Variants in ZNF521 observed in about 807,000 individuals in gnomAD.
ZNF521 encodes the protein zinc finger protein 521.
ZNF521 carries 14 observed loss-of-function variants against 105.5 expected under a neutral mutation model. The ratio of observed to expected loss-of-function variants is 0.13; its 90% CI spans 0.09 to 0.21. ZNF521 has a LOEUF of 0.21. ZNF521 is among the 10% of genes least tolerant of loss of function. The pLI is 1.00. For synonymous variants in ZNF521, 635 were observed against 606.0 expected (o/e 1.05, Z -0.70); for missense variants, 1,233 against 1,629.7 (o/e 0.76, Z 4.19).
chr18:25,069,367 T>G (rs2033157793), intron 7 of ZNF521, among the ~76,000 whole-genome samples: 1 of 152,182 alleles, frequency 6.6e-6, no homozygotes, highest in African/African-American at 2.4e-5. Flanking sequence ...TAACAGGATG[T>G]GAATGTTAAT....
At chr18:25,080,273 G>A (rs1339701918) in intron 7 of ZNF521, among the ~76,000 whole-genome samples, 3 of 152,146 alleles carry the variant, frequency 2.0e-5, no homozygotes, top group South Asian at 2.1e-4. Flanking sequence ...TAAAGGACTC[G>A]TTTACCCTGC....
intron 4 of ZNF521, among the ~76,000 whole-genome samples, chr18:25,205,141 T>TAAAAAAAAAAAAAAAAAA (rs34563599): frequency 1.3e-5 from 1 of 74,934 alleles, no homozygotes; most frequent in African/African-American, 6.2e-5. Context: ...GTAGTGAAGG[T>TAAAAAAAAAAAAAAAAAA]AAAAAAAAAA....
At chr18:25,113,342 A>C (rs2034233847) in intron 5 of ZNF521, among the ~76,000 whole-genome samples, 1 of 152,122 alleles carries the variant, frequency 6.6e-6, no homozygotes, top group African/African-American at 2.4e-5. Flanking sequence ...TTCAGATGAA[A>C]ACCTTTTCTA....
intron 3 of ZNF521, among the ~76,000 whole-genome samples, chr18:25,319,836 C>T (rs1912841998): frequency 6.6e-6 from 1 of 152,094 alleles, no homozygotes; most frequent in Non-Finnish European, 1.5e-5. Context: ...GGTGCAATAT[C>T]ACTTCTTTGG....
chr18:25,114,497 C>T (rs1461053893), intron 5 of ZNF521, among the ~76,000 whole-genome samples: 2 of 152,126 alleles, frequency 1.3e-5, no homozygotes, highest in African/African-American at 4.8e-5. Flanking sequence ...CAAAGACTAA[C>T]TGATAAGAGA....
intron 3 of ZNF521, among the ~76,000 whole-genome samples, chr18:25,282,563 G>A (rs1910448030): frequency 1.3e-5 from 2 of 152,084 alleles, no homozygotes; most frequent in South Asian, 2.1e-4. Flanking sequence ...TGGAGGGGGC[G>A]GTGCATGGTG....
At chr18:25,084,815 GC>G (rs1260198835) in intron 7 of ZNF521, among the ~76,000 whole-genome samples, 1 of 152,100 alleles carries the variant, frequency 6.6e-6, no homozygotes, top group Non-Finnish European at 1.5e-5. Context: ...TTTTCTGGAG[GC>G]ACCAATTAAA....
chr18:25,278,887 A>G (rs1816897985), intron 3 of ZNF521, among the ~76,000 whole-genome samples: 1 of 152,230 alleles, frequency 6.6e-6, no homozygotes, highest in South Asian at 2.1e-4. Flanking sequence ...GGTTGGCTTC[A>G]GGTACTTTAT....
At chr18:25,247,169 G>C (rs1470385691) in intron 3 of ZNF521, among the ~76,000 whole-genome samples, 2 of 152,156 alleles carry the variant, frequency 1.3e-5, no homozygotes, top group Non-Finnish European at 2.9e-5. Context: ...ACAATGAATA[G>C]TTCACTGACT....
chr18:25,150,848 A>G (rs2035032944), intron 5 of ZNF521, among the ~76,000 whole-genome samples: 1 of 147,808 alleles, frequency 6.8e-6, no homozygotes, highest in African/African-American at 2.5e-5. Flanking sequence ...CACCCCTTCA[A>G]TTCTACTCTC....
intron 3 of ZNF521, among the ~76,000 whole-genome samples, chr18:25,247,467 C>T (rs1907810856): frequency 6.6e-6 from 1 of 152,152 alleles, no homozygotes; most frequent in African/African-American, 2.4e-5. Flanking sequence ...CTTGGCTGCA[C>T]ATTAAAACTG....
At chr18:25,116,456 G>C (rs895152095) in intron 5 of ZNF521, among the ~76,000 whole-genome samples, 1 of 152,082 alleles carries the variant, frequency 6.6e-6, no homozygotes, top group Non-Finnish European at 1.5e-5. Context: ...CTTAAACATG[G>C]TTTAAAATTA....
Position 25,226,727 on chromosome 18 carries a change from C to G in ZNF521, c.1191G>C (p.Ser397=), listed in dbSNP as rs1249192453. Reference sequence around the variant, plus strand: ...TGTAGGTAACTTTTGCTTGTTTACTCGAGGGACCAGTCATGTCAGGGGTTT... The same window carrying G: ...TGTAGGTAACTTTTGCTTGTTTACTGGAGGGACCAGTCATGTCAGGGGTTT... The part of the protein sequence containing the change: ...AQQTPDMTGP[S]SKQAKVTYSC... The change falls in exon 4 of 8, where the codon TCG becomes TCC. Residue 397 remains serine (S), a synonymous_variant. Transcript: ENST00000361524. This position sits in a 1 kb window ranked among gnomAD's most constrained non-coding sequence, Gnocchi z 4.1. The G allele has an allele frequency of 1.2e-6, 2 of 1,614,078 alleles. No individual in the cohort carries two copies. The highest frequency in any genetic ancestry group is 1.7e-6 in the Non-Finnish European group (2 of 1,180,014).
chr18:25,214,524 T>C (rs905827729), intron 4 of ZNF521, among the ~76,000 whole-genome samples: 42 of 152,198 alleles, frequency 2.8e-4, no homozygotes, highest in African/African-American at 9.4e-4. Flanking sequence ...TTCTAAAGTA[T>C]ATTTTCTAAC....
intron 3 of ZNF521, among the ~76,000 whole-genome samples, chr18:25,305,813 C>A (rs1266719747): frequency 1.3e-5 from 2 of 152,184 alleles, no homozygotes; most frequent in Non-Finnish European, 2.9e-5. Flanking sequence ...GTTACTCTTA[C>A]AGGAAACACT....
Position 25,224,391 on chromosome 18 carries a change from G to A in ZNF521, c.3527C>T (p.Pro1176Leu), listed in dbSNP as rs1361407645. ...PDSNSTQLKT[P>L]QVSPMPRISP... is the part of the protein sequence containing the mutation. ...GATTCTGGGCATTGGTGATACTTGG[G>A]GCGTTTTCAACTGTGTGCTGTTGCT... Residue 1176 changes from proline (P) to leucine (L), a missense_variant, in exon 4 of 8, where the codon CCC (proline) becomes CTC (leucine). Physicochemically the swap from Pro to Leu is moderately conservative, Grantham distance 98. Around this residue, in one of 6 missense-constraint regions of ZNF521, gnomAD observed 614 missense variants for 751.5 expected, o/e 0.82. Coordinates refer to ENST00000361524, the MANE Select transcript of ZNF521 (RefSeq NM_015461.3). 5 of 1,613,782 alleles carry A rather than the reference G, an allele frequency of 3.1e-6. No homozygotes were observed. The highest frequency in any genetic ancestry group is 4.2e-6 in the Non-Finnish European group (5 of 1,179,936).
At chr18:25,083,754 T>TTTTG (rs149473626) in intron 7 of ZNF521, among the ~76,000 whole-genome samples, 110,458 of 148,300 alleles carry the variant, frequency 0.74, 41,668 homozygotes, top group East Asian at 0.97. Context: ...CATATATATA[T>TTTTG]TTTGTTTGTT....
rs746760197 is a variant in ZNF521 at position 25,226,913 on chromosome 18, C to A, written c.1005G>T (p.Pro335=). ...LYSHMDSHQQ[P]ESCNHSNSPS... ...GGCTGTTGCTGTGATTGCATGACTCCGGTTGCTGGTGACTGTCCATGTGGC... is the reference window on the plus strand; with the variant it reads ...GGCTGTTGCTGTGATTGCATGACTCAGGTTGCTGGTGACTGTCCATGTGGC... Residue 335 remains proline (P), a synonymous_variant, in exon 4 of 8, where the codon CCG becomes CCT. Coordinates refer to ENST00000361524, the MANE Select transcript of ZNF521 (RefSeq NM_015461.3). The surrounding 1 kb of genome is among the most constrained non-coding windows in gnomAD (Gnocchi z 4.1). 1 of 1,613,742 alleles carries A rather than the reference C, an allele frequency of 6.2e-7. No homozygotes were observed. Among genetic ancestry groups the A allele is most frequent in the Admixed American group, 1.7e-5 (1 of 59,990 alleles).
intron 5 of ZNF521, among the ~76,000 whole-genome samples, chr18:25,152,627 G>A (rs949236578): frequency 7.2e-5 from 11 of 151,856 alleles, no homozygotes; most frequent in South Asian, 2.1e-4. Context: ...GTTTTACATC[G>A]GGTACAAAGG....
Sources: gnomAD v4.1 joint callset for allele counts (sites outside exome capture counted in the v4.1 genomes callset) on GRCh38, gnomAD v4.1.1 for gene constraint, gnomAD v4.1.1 regional missense constraint, Gnocchi (gnomAD v3.1) non-coding constraint, MANE v1.5 for transcripts, NCBI Gene and HGNC (gene_info 2026-07-23, HGNC 2026-07-21) for gene names.